Variants in HIVEP3 observed in about 807,000 individuals in gnomAD.
HIVEP3 encodes transcription factor HIVEP3.
HIVEP3 carries 49 observed loss-of-function variants against 152.8 expected under a neutral mutation model. That is an observed-to-expected ratio of 0.32 (90% CI 0.26 to 0.41). The LOEUF (loss-of-function observed/expected upper bound fraction) is 0.41. HIVEP3 is among the 10% of genes least tolerant of loss of function. HIVEP3 has a pLI of 1.00. For synonymous variants in HIVEP3, 1,269 were observed against 1,289.0 expected (o/e 0.98, Z 0.33); for missense variants, 2,790 against 3,103.3 (o/e 0.90, Z 2.40).
At chr1:41,994,135 AAACT>A (rs1046609396) in intron 1 of HIVEP3, among the ~76,000 whole-genome samples, 1 of 152,028 alleles carries the variant, frequency 6.6e-6, no homozygotes, top group African/African-American at 2.4e-5. Flanking sequence ...ATGTACCCTA[AAACT>A]TAAAGTATAA....
At chr1:41,956,863 C>T (rs1570843171) in intron 1 of HIVEP3, among the ~76,000 whole-genome samples, 1 of 152,252 alleles carries the variant, frequency 6.6e-6, no homozygotes, top group Non-Finnish European at 1.5e-5. Flanking sequence ...TCAGATCTTG[C>T]TCATTTAAAT....
chr1:41,552,917 A>C (rs188914191), intron 5 of HIVEP3, among the ~76,000 whole-genome samples: 6 of 152,296 alleles, frequency 3.9e-5, no homozygotes, highest in African/African-American at 1.2e-4. Flanking sequence ...TTTACTTCCA[A>C]CTATGTGGTC....
At chr1:41,853,958 C>A (rs530092553) in intron 1 of HIVEP3, among the ~76,000 whole-genome samples, 1 of 152,092 alleles carries the variant, frequency 6.6e-6, no homozygotes, top group South Asian at 2.1e-4. Flanking sequence ...GCTCACACAT[C>A]GAGGAGCTGG....
chr1:41,579,635 G>C, intron 4 of HIVEP3, 102 bp downstream of exon 4: 1 of 1,343,112 alleles, frequency 7.4e-7, no homozygotes, highest in Non-Finnish European at 1.0e-6. Flanking sequence ...CTACTAGTCT[G>C]GCTCTAGTTC....
At chr1:42,016,845 C>T (rs995639279) in intron 1 of HIVEP3, among the ~76,000 whole-genome samples, 17 of 152,014 alleles carry the variant, frequency 1.1e-4, no homozygotes, top group Middle Eastern at 3.4e-3. Context: ...TTTCCAGTTT[C>T]GATATTATAA....
At chr1:41,601,044 C>T (rs772716698) in intron 3 of HIVEP3, among the ~76,000 whole-genome samples, 57 of 152,062 alleles carry the variant, frequency 3.7e-4, no homozygotes, top group Non-Finnish European at 5.9e-5. Context: ...TCTTGGCACC[C>T]GTGTTGAAGA....
chr1:41,784,034 T>C (rs1040138985), intron 1 of HIVEP3, among the ~76,000 whole-genome samples: 5 of 151,956 alleles, frequency 3.3e-5, no homozygotes, highest in African/African-American at 7.3e-5. Context: ...AGGGAGTAGG[T>C]AGGGAAGAAG....
chr1:41,584,308 A>T lies in HIVEP3; in HGVS notation c.490T>A (p.Phe164Ile). The T allele has an allele frequency of 6.2e-7, 1 of 1,613,810 alleles. No homozygotes were observed. The highest frequency in any genetic ancestry group is 8.5e-7 in the Non-Finnish European group (1 of 1,179,864). ...PEDLPGVPKVFVPRPSQVSLK... is the reference protein window; with the variant it reads ...PEDLPGVPKVIVPRPSQVSLK... Reference sequence around the variant, plus strand: ...GAGACCTGGGAAGGACGAGGCACGAAGACTTTGGGGACTCCAGGAAGGTCC... The same window carrying T: ...GAGACCTGGGAAGGACGAGGCACGATGACTTTGGGGACTCCAGGAAGGTCC... The change falls in exon 4 of 9, where the codon TTC becomes ATC. Residue 164 changes from phenylalanine to isoleucine, a missense_variant. Around this residue, in one of 9 missense-constraint regions of HIVEP3, gnomAD observed 209 missense variants for 237.0 expected, o/e 0.88. Transcript: ENST00000372583. This position sits in a 1 kb window ranked among gnomAD's most constrained non-coding sequence, Gnocchi z 5.2.
intron 1 of HIVEP3, among the ~76,000 whole-genome samples, chr1:41,705,183 G>C (rs1249319031): frequency 6.6e-6 from 1 of 152,186 alleles, no homozygotes; most frequent in Non-Finnish European, 1.5e-5. Flanking sequence ...CTCACTCACG[G>C]AGCCTGGATG....
At chr1:41,545,096 TACCATC>T (rs1160805861) in intron 5 of HIVEP3, among the ~76,000 whole-genome samples, 1 of 59,340 alleles carries the variant, frequency 1.7e-5, no homozygotes, top group Non-Finnish European at 3.4e-5. Context: ...CTACCATCGC[TACCATC>T]ACCACCACCA....
chr1:41,819,798 T>C, intron 1 of HIVEP3, among the ~76,000 whole-genome samples: 1 of 152,206 alleles, frequency 6.6e-6, no homozygotes, highest in East Asian at 1.9e-4. Flanking sequence ...GATTAATTTT[T>C]GCAAATGTTC....
intron 2 of HIVEP3, among the ~76,000 whole-genome samples, chr1:41,635,702 C>G (rs533997960): frequency 6.6e-6 from 1 of 151,214 alleles, no homozygotes; most frequent in Non-Finnish European, 1.5e-5. Context: ...CTGAGAAGAC[C>G]AACAAAATGG....
intron 1 of HIVEP3, among the ~76,000 whole-genome samples, chr1:41,771,045 T>G (rs1570500207): frequency 6.6e-6 from 1 of 151,814 alleles, no homozygotes; most frequent in East Asian, 1.9e-4. Context: ...CCACAGTACA[T>G]AAATAGATAT....
At chr1:42,007,611 G>A (rs1645467271) in intron 1 of HIVEP3, among the ~76,000 whole-genome samples, 1 of 152,156 alleles carries the variant, frequency 6.6e-6, no homozygotes, top group African/African-American at 2.4e-5. Context: ...TGAGTGATGG[G>A]GAGGCTTGTG....
At chr1:41,756,178 G>A (rs1647298037) in intron 1 of HIVEP3, among the ~76,000 whole-genome samples, 1 of 152,112 alleles carries the variant, frequency 6.6e-6, no homozygotes, top group South Asian at 2.1e-4. Flanking sequence ...AATATTAAGG[G>A]CAATATGCTG....
At chr1:41,724,697 G>A (rs1301879407) in intron 1 of HIVEP3, among the ~76,000 whole-genome samples, 9 of 152,208 alleles carry the variant, frequency 5.9e-5, no homozygotes, top group Admixed American at 5.9e-4. Context: ...GGAAAAAACT[G>A]GGAGGTGTGA....
At chr1:41,696,677 C>A (rs187220693) in intron 2 of HIVEP3, among the ~76,000 whole-genome samples, 1 of 152,194 alleles carries the variant, frequency 6.6e-6, no homozygotes, top group African/African-American at 2.4e-5. Flanking sequence ...CAGAGACAGA[C>A]GGCCCTGTGC....
chr1:41,925,145 C>G (rs949626686), intron 1 of HIVEP3, among the ~76,000 whole-genome samples: 1 of 152,108 alleles, frequency 6.6e-6, no homozygotes, highest in Non-Finnish European at 1.5e-5. Flanking sequence ...AAAAACAAAA[C>G]AAAACAAACA....
At chr1:41,631,639 G>A (rs761234123) in intron 2 of HIVEP3, among the ~76,000 whole-genome samples, 9 of 151,982 alleles carry the variant, frequency 5.9e-5, no homozygotes, top group Non-Finnish European at 1.3e-4. Flanking sequence ...ATGAAACCCA[G>A]CCAGCCCCCT....
Sources: allele counts gnomAD v4.1 joint callset (sites outside exome capture counted in the v4.1 genomes callset), GRCh38; gene constraint gnomAD v4.1.1; regional missense constraint gnomAD v4.1.1; non-coding constraint Gnocchi (gnomAD v3.1); transcripts MANE v1.5; gene names NCBI Gene and HGNC (gene_info 2026-07-23, HGNC 2026-07-21).